PPL: variants seen among roughly 807,000 people sequenced by gnomAD.
The protein encoded by PPL is 190 kDa paraneoplastic pemphigus antigen.
A neutral mutation model predicts 194.4 loss-of-function variants in PPL; 198 were observed. The ratio of observed to expected loss-of-function variants is 1.02; its 90% CI spans 0.91 to 1.15. The LOEUF (loss-of-function observed/expected upper bound fraction) is 1.15, where lower values mean the gene tolerates loss of function less well. PPL is among the 50% of genes most tolerant of loss of function. The probability of loss-of-function intolerance (pLI) is 0.00; values close to 1 mark genes in which losing one functional copy is unlikely to be tolerated. For synonymous variants in PPL, 1,220 were observed against 972.4 expected (o/e 1.25, Z -4.74); for missense variants, 2,885 against 2,294.8 (o/e 1.26, Z -5.25).
In PPL at chr16:4,891,946, A is replaced by G. The variant is rs1486871842; in HGVS notation, c.1833T>C (p.Val611=). The G allele has an allele frequency of 6.2e-7, 1 of 1,612,610 alleles. No individual in the cohort carries two copies. The highest frequency in any genetic ancestry group is 1.3e-5 in the African/African-American group (1 of 75,050). The change falls in exon 16 of 22, where the codon GTT becomes GTC. Residue 611 remains valine, a synonymous_variant. Coordinates refer to ENST00000345988, the MANE Select transcript of PPL (RefSeq NM_002705.5). ...TCTTCTCCAGGCGGTTGGCCACATC[A>G]ACCCTGAGAGCACCAATCAGGCGTC... ...LQLLDLAQEK[V]DVANRLEKSL...
Position 4,885,088 on chromosome 16 carries a change from C to T in PPL, c.3567G>A (p.Ala1189=), listed in dbSNP as rs1003916059. The change falls in exon 22 of 22, where the codon GCG becomes GCA. Residue 1189 remains alanine (A), a synonymous_variant. Coordinates refer to ENST00000345988, the MANE Select transcript of PPL (RefSeq NM_002705.5). The surrounding 1 kb of genome is among the most constrained non-coding windows in gnomAD (Gnocchi z 6.3). ...RPDPKAESEV[A]NLRLELVEQE... ...GCTCCACAAGCTCCAGGCGGAGGTTCGCCACTTCACTTTCCGCCTTGGGGT... is the reference window on the plus strand; with the variant it reads ...GCTCCACAAGCTCCAGGCGGAGGTTTGCCACTTCACTTTCCGCCTTGGGGT... 11 of 1,613,762 alleles carry T rather than the reference C, an allele frequency of 6.8e-6. No homozygotes were observed. The highest frequency in any genetic ancestry group is 2.7e-5 in the African/African-American group (2 of 75,028).
intron 2 of PPL, 37 bp downstream of exon 2, chr16:4,910,813 G>T (rs535645414): frequency 1.3e-6 from 2 of 1,556,788 alleles, no homozygotes; most frequent in Non-Finnish European, 8.9e-7. Context: ...CTGGCAGCAC[G>T]GGGCACCCAG....
intron 16 of PPL, among the ~76,000 whole-genome samples, 175 bp from the exon 17 acceptor site, chr16:4,891,096 T>C (rs1278782671): frequency 6.6e-6 from 1 of 152,276 alleles, no homozygotes; most frequent in South Asian, 2.1e-4. Context: ...TGCCATCTTC[T>C]GTTTTTTAAC....
chr16:4,910,875 A>G lies in PPL; in HGVS notation c.137T>C (p.Val46Ala), dbSNP rs1476279243. ...ACTCTGCATCTTGGCCTCTGTGTCC[A>G]CGATGTTCTTCTCCACCTGGTCGGC... ...KNADQVEKNI[V>A]DTEAKMQSDL... is the part of the protein sequence containing the mutation. The change falls in exon 2 of 22, where the codon GTG (valine) becomes GCG (alanine). Residue 46 changes from valine (V) to alanine (A), a missense_variant. By Grantham distance (64) the Val-to-Ala change is moderately conservative. Coordinates refer to ENST00000345988, the MANE Select transcript of PPL (RefSeq NM_002705.5). The G allele has an allele frequency of 1.9e-6, 3 of 1,613,978 alleles. No homozygotes were observed. Among genetic ancestry groups the G allele is most frequent in the Admixed American group, 3.3e-5 (2 of 60,010 alleles).
chr16:4,894,356 C>T, intron 12 of PPL, 111 bp downstream of exon 12: 3 of 1,370,314 alleles, frequency 2.2e-6, no homozygotes, highest in Non-Finnish European at 3.0e-6. Flanking sequence ...AGAGTGTCAG[C>T]GACCCCGCGC....
chr16:4,915,984 G>C (rs2088909155), intron 1 of PPL, among the ~76,000 whole-genome samples: 1 of 152,114 alleles, frequency 6.6e-6, no homozygotes, highest in South Asian at 2.1e-4. Context: ...AAAATGCCAA[G>C]AGCCCAAAAC....
intron 12 of PPL, chr16:4,893,902 G>C: frequency 1.9e-6 from 1 of 540,494 alleles, no homozygotes. Context: ...TTACTTCTGA[G>C]GGAGCATACA....
At chr16:4,928,646 G>A (rs1271045080) in intron 1 of PPL, among the ~76,000 whole-genome samples, 7 of 152,160 alleles carry the variant, frequency 4.6e-5, no homozygotes, top group African/African-American at 1.7e-4. Flanking sequence ...CCCATCGAAG[G>A]GTGGGAAAGG....
At chr16:4,893,471 GCA>G (rs2088359293) in intron 13 of PPL, 68 bp downstream of exon 13, 1 of 1,596,186 alleles carries the variant, frequency 6.3e-7, no homozygotes, top group Non-Finnish European at 8.5e-7. Flanking sequence ...CTCATCCACA[GCA>G]CAGACCCTGG....
At chr16:4,924,359 G>T (rs4786562) in intron 1 of PPL, among the ~76,000 whole-genome samples, 109,233 of 152,046 alleles carry the variant, frequency 0.72, 42,075 homozygotes, top group Middle Eastern at 0.86. Flanking sequence ...CCATGTCACG[G>T]GGCCAGTAAT....
chr16:4,910,979 G>A (rs750229381), intron 1 of PPL, 30 bp from the exon 2 acceptor site: 53 of 1,584,516 alleles, frequency 3.3e-5, no homozygotes, highest in Admixed American at 6.7e-5. Flanking sequence ...GGAGATGGGC[G>A]GGGTGCCTGG....
chr16:4,933,928 C>A (rs548735612), intron 1 of PPL, among the ~76,000 whole-genome samples: 24 of 152,234 alleles, frequency 1.6e-4, no homozygotes, highest in African/African-American at 5.3e-4. Flanking sequence ...CTATTACCTG[C>A]GGCCGCTTAT....
intron 2 of PPL, 55 bp downstream of exon 2, chr16:4,910,795 G>C: frequency 2.1e-6 from 3 of 1,448,860 alleles, no homozygotes; most frequent in Non-Finnish European, 2.9e-6. Context: ...TCCTGGTCCT[G>C]AACAGGGCTG....
chr16:4,910,807 C>G (rs917436799), intron 2 of PPL, 43 bp downstream of exon 2: 27 of 1,524,750 alleles, frequency 1.8e-5, no homozygotes, highest in Non-Finnish European at 2.3e-5. Context: ...ACAGGGCTGG[C>G]AGCACGGGGC....
intron 18 of PPL, among the ~76,000 whole-genome samples, 194 bp from the exon 19 acceptor site, chr16:4,889,255 T>G (rs1242916945): frequency 1.2e-4 from 15 of 123,290 alleles, no homozygotes; most frequent in South Asian, 3.1e-4. Context: ...TTTTTTTTTT[T>G]TTTTTTTTTT....
At position 4,897,666 on chromosome 16, in the gene PPL, G is replaced by A. The variant is rs375272863; in HGVS notation, c.972+9C>T. On this transcript the variant is annotated intron_variant, in intron 9 of 21. Coordinates refer to ENST00000345988, the MANE Select transcript of PPL (RefSeq NM_002705.5). ...CGGTGCTGGGGGGACTCCCAGGAAA[G>A]GTAAGTACCTGGTGGTAGTCCTCCA... The A allele has an allele frequency of 6.2e-7, 1 of 1,609,626 alleles. No individual in the cohort carries two copies. Among genetic ancestry groups the A allele is most frequent in the South Asian group, 1.1e-5 (1 of 90,938 alleles).
chr16:4,910,986 C>G (rs374570514), intron 1 of PPL, 37 bp from the exon 2 acceptor site: 1 of 1,564,864 alleles, frequency 6.4e-7, no homozygotes, highest in Admixed American at 1.7e-5. Context: ...GGCGGGGTGC[C>G]TGGTGGGTGG....
intron 1 of PPL, among the ~76,000 whole-genome samples, chr16:4,928,828 T>C (rs1350965079): frequency 2.0e-5 from 3 of 151,818 alleles, no homozygotes; most frequent in Admixed American, 6.6e-5. Context: ...CTGGCCAACA[T>C]GGTGAAACCC....
At chr16:4,934,514 G>C (rs915624174) in intron 1 of PPL, among the ~76,000 whole-genome samples, 2 of 152,112 alleles carry the variant, frequency 1.3e-5, no homozygotes, top group African/African-American at 4.8e-5. Flanking sequence ...GTGCAGAAAG[G>C]GAAAACAAGG....
Sources: gnomAD v4.1 joint callset for allele counts (sites outside exome capture counted in the v4.1 genomes callset) on GRCh38, gnomAD v4.1.1 for gene constraint, Gnocchi (gnomAD v3.1) non-coding constraint, MANE v1.5 for transcripts, NCBI Gene and HGNC (gene_info 2026-07-23, HGNC 2026-07-21) for gene names.